EXOC6: variants seen among roughly 807,000 people sequenced by gnomAD.
EXOC6 encodes the protein SEC15-like 1.
A neutral mutation model predicts 112.5 loss-of-function variants in EXOC6; 60 were observed. That is an observed-to-expected ratio of 0.53 (90% CI 0.43 to 0.66). The LOEUF is 0.66. EXOC6 is among the 30% of genes least tolerant of loss of function. The pLI, the probability that EXOC6 is intolerant of heterozygous loss-of-function variation, is 0.00. For synonymous variants in EXOC6, 295 were observed against 308.0 expected (o/e 0.96, Z 0.44); for missense variants, 855 against 957.1 (o/e 0.89, Z 1.41).
chr10:92,906,388 G>T (rs565691638), intron 5 of EXOC6, among the ~76,000 whole-genome samples: 11 of 152,214 alleles, frequency 7.2e-5, no homozygotes, highest in Admixed American at 3.3e-4. Context: ...CCAATTCTAT[G>T]GTAGGACAAA....
intron 20 of EXOC6, among the ~76,000 whole-genome samples, chr10:93,037,306 A>G (rs1241930166): frequency 3.5e-5 from 5 of 141,446 alleles, no homozygotes; most frequent in South Asian, 2.3e-4. Flanking sequence ...CACCCAGCTG[A>G]TTTTTGTATT....
chr10:93,004,018 A>G (rs1843871731), intron 19 of EXOC6, among the ~76,000 whole-genome samples: 2 of 152,124 alleles, frequency 1.3e-5, no homozygotes, highest in Non-Finnish European at 2.9e-5. Flanking sequence ...TAGAATGTTA[A>G]CTCTAGTGTC....
At chr10:92,838,835 G>A (rs1846742874) in intron 1 of EXOC6, among the ~76,000 whole-genome samples, 1 of 152,162 alleles carries the variant, frequency 6.6e-6, no homozygotes, top group Non-Finnish European at 1.5e-5. Context: ...AGCACTTTGG[G>A]AGGCTAAGGC....
rs567227066 is a variant in EXOC6 at position 93,052,498 on chromosome 10, C to T, written c.2170-4426C>T. Among the ~76,000 whole-genome samples, 15 of 152,276 alleles carry T rather than the reference C, an allele frequency of 9.9e-5. No individual in the cohort carries two copies. In the South Asian group the frequency reaches 2.7e-3, roughly 27 times the overall value. ...GGGAATGCTGAGGAAGTGAAATGTA[C>T]AACTCACTTACAAATGTTGGCATAC... On this transcript the variant is annotated intron_variant, in intron 20 of 21. Coordinates refer to ENST00000260762, the MANE Select transcript of EXOC6 (RefSeq NM_019053.6).
intron 1 of EXOC6, among the ~76,000 whole-genome samples, chr10:92,851,756 A>G (rs1400324095): frequency 1.3e-5 from 2 of 152,020 alleles, no homozygotes; most frequent in Non-Finnish European, 1.5e-5. Context: ...GATTCTACAG[A>G]CATTAAAAAA....
chr10:92,834,246 G>C (rs570241487), upstream of EXOC6, among the ~76,000 whole-genome samples: 8 of 152,172 alleles, frequency 5.3e-5, no homozygotes, highest in East Asian at 1.9e-4. Context: ...TTACCTCCTT[G>C]GGTTTGTGGG....
At chr10:93,018,060 A>G (rs563952303) in intron 20 of EXOC6, among the ~76,000 whole-genome samples, 1 of 151,768 alleles carries the variant, frequency 6.6e-6, no homozygotes, top group East Asian at 1.9e-4. Context: ...TAAAAAAGAA[A>G]TACATTCTTT....
chr10:92,919,951 A>G lies in EXOC6; in HGVS notation c.820-31A>G, dbSNP rs201436972. On this transcript the variant is annotated intron_variant, in intron 7 of 21. Coordinates refer to ENST00000260762, the MANE Select transcript of EXOC6 (RefSeq NM_019053.6). ...TAATGGTGGTCTAATAGTTTGACCTATAATTTTTTTAAAAATGGTTTAATT... is the reference window on the plus strand; with the variant it reads ...TAATGGTGGTCTAATAGTTTGACCTGTAATTTTTTTAAAAATGGTTTAATT... 15 of 1,439,600 alleles carry G rather than the reference A, an allele frequency of 1.0e-5. No individual in the cohort carries two copies. In the Admixed American group the frequency reaches 2.2e-4, roughly 21 times the overall value. The allele number at this position is 1,439,600 out of a possible 1,614,324, so 89.2% of individuals were successfully genotyped here.
At chr10:92,899,726 A>G (rs753516572) in intron 5 of EXOC6, 82 bp downstream of exon 5, 3 of 1,043,448 alleles carry the variant, frequency 2.9e-6, no homozygotes, top group Non-Finnish European at 4.3e-6. Context: ...TATAAATCAT[A>G]GTGAATCATG....
intron 1 of EXOC6, among the ~76,000 whole-genome samples, chr10:92,829,361 C>T (rs944845061): frequency 6.6e-6 from 1 of 150,950 alleles, no homozygotes; most frequent in South Asian, 2.1e-4. Flanking sequence ...TCGGGCGCCC[C>T]TCTCTCTCTC....
intron 1 of EXOC6, among the ~76,000 whole-genome samples, chr10:92,882,583 G>A (rs72813151): frequency 1.5e-3 from 227 of 149,714 alleles, no homozygotes; most frequent in Admixed American, 2.6e-3. Context: ...TGGTGTCTTT[G>A]CTATTTGTTG....
intron 1 of EXOC6, among the ~76,000 whole-genome samples, chr10:92,858,141 CTTG>C (rs1440739509): frequency 3.3e-5 from 5 of 150,698 alleles, no homozygotes; most frequent in Admixed American, 2.7e-4. Context: ...TCAGCAGTTT[CTTG>C]TTGTTTTCAG....
intron 11 of EXOC6, 39 bp downstream of exon 11, chr10:92,934,469 G>A: frequency 6.6e-7 from 1 of 1,504,562 alleles, no homozygotes; most frequent in Non-Finnish European, 8.9e-7. Context: ...TTTTAATTCA[G>A]TTACTTCAAG....
chr10:92,988,089 C>T (rs1369383718), intron 18 of EXOC6, among the ~76,000 whole-genome samples: 1 of 152,158 alleles, frequency 6.6e-6, no homozygotes, highest in East Asian at 1.9e-4. Flanking sequence ...TTCCTGAATG[C>T]TTTTTCTCTA....
intron 19 of EXOC6, among the ~76,000 whole-genome samples, chr10:93,005,561 A>G (rs1843939461): frequency 6.6e-6 from 1 of 151,178 alleles, no homozygotes; most frequent in Non-Finnish European, 1.5e-5. Context: ...CAAAGGTGTC[A>G]CAGAAATTCT....
At chr10:92,971,819 C>CT (rs1407719706) in intron 17 of EXOC6, among the ~76,000 whole-genome samples, 2 of 152,084 alleles carry the variant, frequency 1.3e-5, no homozygotes, top group African/African-American at 4.8e-5. Context: ...CTATTGGTTG[C>CT]TTTTTTTCCG....
intron 8 of EXOC6, among the ~76,000 whole-genome samples, chr10:92,924,803 A>C (rs1187003546): frequency 6.6e-6 from 1 of 152,124 alleles, no homozygotes; most frequent in Non-Finnish European, 1.5e-5. Flanking sequence ...ATTGTACCCA[A>C]TAGGTGATTT....
At chr10:92,899,103 A>T (rs927877921) in intron 4 of EXOC6, among the ~76,000 whole-genome samples, 7 of 152,044 alleles carry the variant, frequency 4.6e-5, no homozygotes, top group Admixed American at 6.6e-5. Flanking sequence ...TAAGCTTTTG[A>T]CGTTTTTCTT....
intron 18 of EXOC6, among the ~76,000 whole-genome samples, chr10:92,977,585 T>G (rs894642397): frequency 6.6e-6 from 1 of 152,180 alleles, no homozygotes; most frequent in African/African-American, 2.4e-5. Flanking sequence ...TACTAAATGA[T>G]TGTTAAATTA....
Sources: gnomAD v4.1 joint callset for allele counts (sites outside exome capture counted in the v4.1 genomes callset) on GRCh38, gnomAD v4.1.1 for gene constraint, MANE v1.5 for transcripts, NCBI Gene and HGNC (gene_info 2026-07-23, HGNC 2026-07-21) for gene names.